The following KCNMA1 variants were observed in gnomAD, a reference collection of about 807,000 sequenced individuals.
KCNMA1 encodes the protein Calcium-activated potassium channel subunit alpha-1.
Under a neutral mutation model 140.0 loss-of-function variants are expected in KCNMA1, and 29 were observed. That is an observed-to-expected ratio of 0.21 (90% CI 0.15 to 0.28). The LOEUF (loss-of-function observed/expected upper bound fraction) is 0.28. Among genes scored for constraint, KCNMA1 ranks in the 10% least tolerant of loss-of-function variants. KCNMA1 has a pLI of 1.00. For synonymous variants in KCNMA1, 612 were observed against 611.9 expected (o/e 1.00, Z 0.00); for missense variants, 880 against 1,602.2 (o/e 0.55, Z 7.70).
chr10:77,609,133 A>T (rs550964683), intron 1 of KCNMA1, among the ~76,000 whole-genome samples: 63 of 152,256 alleles, frequency 4.1e-4, no homozygotes, highest in Non-Finnish European at 8.7e-4. Flanking sequence ...CGTCAAAGAG[A>T]TGTCTGCATT....
intron 2 of KCNMA1, among the ~76,000 whole-genome samples, chr10:77,256,090 G>A (rs1171471106): frequency 6.6e-6 from 1 of 152,102 alleles, no homozygotes; most frequent in African/African-American, 2.4e-5. Context: ...ATGGACAATA[G>A]CACAGCCAAG....
At chr10:76,920,524 A>C (rs1349675969) in intron 23 of KCNMA1, among the ~76,000 whole-genome samples, 2 of 152,064 alleles carry the variant, frequency 1.3e-5, no homozygotes, top group African/African-American at 4.8e-5. Flanking sequence ...ACCACGCCAT[A>C]TTGCTTCTTA....
chr10:76,988,464 G>A (rs1025534789), intron 19 of KCNMA1, among the ~76,000 whole-genome samples: 4 of 152,078 alleles, frequency 2.6e-5, no homozygotes, highest in African/African-American at 9.7e-5. Flanking sequence ...AAAGTTCAAG[G>A]CTGCAGTGAA....
At chr10:77,445,665 T>C (rs2097515414) in intron 1 of KCNMA1, among the ~76,000 whole-genome samples, 1 of 152,172 alleles carries the variant, frequency 6.6e-6, no homozygotes, top group Non-Finnish European at 1.5e-5. Flanking sequence ...AGGTACAAGC[T>C]AGCACAATTA....
At chr10:76,947,156 G>C (rs2152916458) in intron 22 of KCNMA1, among the ~76,000 whole-genome samples, 1 of 146,448 alleles carries the variant, frequency 6.8e-6, no homozygotes, top group Non-Finnish European at 1.5e-5. Context: ...CCAACATGGT[G>C]AAACCCTGTC....
At chr10:77,600,691 G>A (rs2082332901) in intron 1 of KCNMA1, among the ~76,000 whole-genome samples, 1 of 152,126 alleles carries the variant, frequency 6.6e-6, no homozygotes, top group Non-Finnish European at 1.5e-5. Flanking sequence ...AGGTTGCGGT[G>A]AGCTGAGGTC....
rs1422142844 is a variant in KCNMA1, at chr10:77,033,531, TACAG to T, written c.1860-5644_1860-5641del. Among the ~76,000 whole-genome samples, 10 of 152,146 alleles carry T rather than the reference TACAG, an allele frequency of 6.6e-5. No individual in the cohort carries two copies. The East Asian group carries it at 1.7e-3, about 26-fold the overall frequency. On this transcript the variant is annotated intron_variant, in intron 15 of 27. Transcript: ENST00000286628. ...TAGAATTTATAAATACATTACTTGA[TACAG>T]ACAATTAACTTTTGCCTAAAGTGTG...
downstream of KCNMA1, chr10:76,877,202 G>A (rs949339512): frequency 6.5e-6 from 1 of 153,084 alleles, no homozygotes; most frequent in Non-Finnish European, 1.5e-5. Context: ...CACCCATCCA[G>A]GCGAGGAGCA....
chr10:76,884,024 A>T (rs2035754772), downstream of KCNMA1: 1 of 977,440 alleles, frequency 1.0e-6, no homozygotes, highest in Non-Finnish European at 1.2e-6. Flanking sequence ...AAAGTCCAGG[A>T]AAACCTCAAA....
chr10:77,117,022 C>A lies in KCNMA1; in HGVS notation c.884+3951G>T, dbSNP rs565479543. Among the ~76,000 whole-genome samples, 105 of 152,232 alleles carry A rather than the reference C, an allele frequency of 6.9e-4. 1 individual carries two copies. The highest frequency in any genetic ancestry group is 2.3e-3 in the African/African-American group (97 of 41,536). On this transcript the variant is annotated intron_variant, in intron 6 of 27. Transcript: ENST00000286628. ...CTTCTTTACAAACTTTATCTTGGAG[C>A]CATTTCTAAGTTCATGTCAGTAGTA...
chr10:76,897,388 C>T (rs1015335192), intron 25 of KCNMA1, among the ~76,000 whole-genome samples: 3 of 151,686 alleles, frequency 2.0e-5, no homozygotes, highest in Admixed American at 1.3e-4. Flanking sequence ...TGACCTAAAA[C>T]AATGCTGTAA....
At chr10:77,537,949 G>T (rs2059285234) in intron 1 of KCNMA1, among the ~76,000 whole-genome samples, 2 of 151,722 alleles carry the variant, frequency 1.3e-5, no homozygotes, top group African/African-American at 2.4e-5. Context: ...GGTGGAGTGG[G>T]GCCTTTGGGG....
intron 5 of KCNMA1, among the ~76,000 whole-genome samples, chr10:77,138,729 A>T (rs1484625111): frequency 2.0e-5 from 3 of 152,080 alleles, no homozygotes; most frequent in East Asian, 3.9e-4. Flanking sequence ...GTTTCTGCTC[A>T]TTTCATCACC....
At chr10:77,557,798 C>T (rs1264573370) in intron 1 of KCNMA1, among the ~76,000 whole-genome samples, 7 of 151,904 alleles carry the variant, frequency 4.6e-5, no homozygotes, top group African/African-American at 9.7e-5. Flanking sequence ...TACAGGTGCC[C>T]GCCACCATAC....
chr10:77,090,870 GC>G (rs1219289939), intron 9 of KCNMA1: 1 of 318,916 alleles, frequency 3.1e-6, no homozygotes, highest in Middle Eastern at 9.8e-4. Context: ...CTCCCTTTCT[GC>G]CCACAAAGCG....
At chr10:77,020,795 G>C (rs1055347827) in intron 16 of KCNMA1, 1 of 152,130 alleles carries the variant, frequency 6.6e-6, no homozygotes, top group African/African-American at 2.4e-5. Flanking sequence ...TTTCCTGCAA[G>C]GCAGTTTTTA....
At chr10:77,509,971 A>G (rs2047759627) in intron 1 of KCNMA1, among the ~76,000 whole-genome samples, 1 of 152,030 alleles carries the variant, frequency 6.6e-6, no homozygotes, top group African/African-American at 2.4e-5. Flanking sequence ...GGCTGATATC[A>G]TAACCCAATT....
chr10:77,198,798 T>C (rs1186683749), intron 3 of KCNMA1, among the ~76,000 whole-genome samples: 1 of 152,116 alleles, frequency 6.6e-6, no homozygotes, highest in Non-Finnish European at 1.5e-5. Context: ...ACTCAAAAAA[T>C]GGTACGGTCT....
chr10:77,110,067 G>T lies in KCNMA1; in HGVS notation c.1131+106C>A, dbSNP rs149458022. On this transcript the variant is annotated intron_variant, in intron 8 of 27. Coordinates refer to ENST00000286628, the MANE Select transcript of KCNMA1 (RefSeq NM_001161352.2). Reference sequence around the variant, plus strand: ...TAGCCTGATTGTAACGTTAAGGCTTGCTTCTAGTGCAGAATACAGTCTAAA... The same window carrying T: ...TAGCCTGATTGTAACGTTAAGGCTTTCTTCTAGTGCAGAATACAGTCTAAA... 5.4e-4 allele frequency: 529 copies of T among 982,810 alleles called. 5 individuals are homozygous for T. In the East Asian group the frequency reaches 0.011, roughly 21 times the overall value. 60.9% of individuals were successfully genotyped at this position (982,810 alleles called of 1,614,324 possible).
Sources: gnomAD v4.1 joint callset for allele counts (sites outside exome capture counted in the v4.1 genomes callset) on GRCh38, gnomAD v4.1.1 for gene constraint, MANE v1.5 for transcripts, NCBI Gene and HGNC (gene_info 2026-07-23, HGNC 2026-07-21) for gene names.